Variants in PDE10A observed in about 807,000 individuals in gnomAD.
PDE10A encodes cAMP and cAMP-inhibited cGMP 3',5'-cyclic phosphodiesterase 10A.
A neutral mutation model predicts 97.7 loss-of-function variants in PDE10A; 39 were observed. That is an observed-to-expected ratio of 0.40 (90% confidence interval 0.31 to 0.52). The LOEUF (loss-of-function observed/expected upper bound fraction) is 0.52, where lower values mean the gene tolerates loss of function less well. PDE10A is among the 20% of genes least tolerant of loss of function. The pLI is 0.56. For synonymous variants in PDE10A, 371 were observed against 376.8 expected (o/e 0.98, Z 0.18); for missense variants, 731 against 1,047.8 (o/e 0.70, Z 4.17).
intron 13 of PDE10A, 51 bp from the exon 14 acceptor site, chr6:165,396,510 A>G: frequency 1.3e-6 from 2 of 1,546,270 alleles, no homozygotes; most frequent in Non-Finnish European, 1.8e-6. Context: ...GAATATTTAA[A>G]CTGTTTTGTC....
intron 13 of PDE10A, among the ~76,000 whole-genome samples, chr6:165,411,436 A>C (rs1273883682): frequency 6.6e-6 from 1 of 152,168 alleles, no homozygotes; most frequent in Non-Finnish European, 1.5e-5. Context: ...GTACACAGAG[A>C]CAGCAGAAAC....
At chr6:165,613,772 TAAC>T (rs1294416978) in intron 1 of PDE10A, among the ~76,000 whole-genome samples, 2 of 152,316 alleles carry the variant, frequency 1.3e-5, no homozygotes, top group African/African-American at 4.8e-5. Context: ...ATACTTTAAT[TAAC>T]AACTATACTC....
At chr6:165,858,504 T>C (rs1044535771) in intron 1 of PDE10A, among the ~76,000 whole-genome samples, 3 of 152,342 alleles carry the variant, frequency 2.0e-5, no homozygotes, top group Non-Finnish European at 4.4e-5. Context: ...GGTTTCACCT[T>C]GACGTGAACG....
Position 165,952,296 on chromosome 6 carries a change from A to C in PDE10A, c.-615+35233T>G, listed in dbSNP as rs187996813. Among the ~76,000 whole-genome samples, 6 of 152,354 alleles carry C rather than the reference A, an allele frequency of 3.9e-5. No individual in the cohort carries two copies. The East Asian group carries it at 1.2e-3, about 29-fold the overall frequency. On this transcript the variant is annotated intron_variant, in intron 1 of 19. Transcript: ENST00000366882. The stretch of plus-strand genomic sequence containing the variant: ...ACTCCCCAACTTTAATAGAGCCCAC[A>C]TGTCTCACGGAGCATAACTATACAG...
chr6:165,986,380 A>C (rs1785210237), intron 1 of PDE10A: 1 of 153,286 alleles, frequency 6.5e-6, no homozygotes, highest in African/African-American at 2.4e-5. Flanking sequence ...TTGCTGCTTC[A>C]GGAGGGGAAG....
At position 165,413,621 on chromosome 6, in the gene PDE10A, G is replaced by T; in HGVS notation, c.1956C>A (p.Gly652=). ...CCATCTGCACCACACCTATCACGCT[G>T]CCTCGGCTGACGATGGGCATGCACA... ...NILCMPIVSR[G]SVIGVVQMVN... The change falls in exon 13 of 22, where the codon GGC becomes GGA. Residue 652 remains glycine (G), a synonymous_variant. Transcript: ENST00000539869. 1 of 1,614,100 alleles carries T rather than the reference G, an allele frequency of 6.2e-7. No individual in the cohort carries two copies. Among genetic ancestry groups the T allele is most frequent in the Non-Finnish European group, 8.5e-7 (1 of 1,179,986 alleles).
chr6:165,462,635 G>C (rs986403273), intron 3 of PDE10A, among the ~76,000 whole-genome samples: 3 of 152,106 alleles, frequency 2.0e-5, no homozygotes, highest in Non-Finnish European at 4.4e-5. Context: ...ACTGTCACGA[G>C]CAACACCCGT....
intron 5 of PDE10A, among the ~76,000 whole-genome samples, chr6:165,442,614 C>T (rs552438295): frequency 1.3e-5 from 2 of 152,164 alleles, no homozygotes; most frequent in East Asian, 3.9e-4. Flanking sequence ...TGGGGAAATC[C>T]GCCCCCATGA....
At chr6:165,684,525 G>A (rs1791063202) in intron 1 of PDE10A, among the ~76,000 whole-genome samples, 1 of 152,212 alleles carries the variant, frequency 6.6e-6, no homozygotes, top group South Asian at 2.1e-4. Flanking sequence ...TATGTGAGTT[G>A]CATTGGCATT....
Position 165,696,274 on chromosome 6 carries a change from C to T in PDE10A, c.-614-152706G>A, listed in dbSNP as rs1464218151. Reference sequence around the variant, plus strand: ...GTTTTACTTTTCACAGTTTTGTTTACTTATGGTCAACCTCATTCTGAAAAT... The same window carrying T: ...GTTTTACTTTTCACAGTTTTGTTTATTTATGGTCAACCTCATTCTGAAAAT... On this transcript the variant is annotated intron_variant, in intron 1 of 19. Transcript: ENST00000366882. Among the ~76,000 whole-genome samples the T allele has an allele frequency of 2.0e-5, 3 of 152,166 alleles. No individual in the cohort carries two copies. In the East Asian group the frequency reaches 5.8e-4, roughly 29 times the overall value.
intron 1 of PDE10A, among the ~76,000 whole-genome samples, chr6:165,799,188 G>A (rs1778912642): frequency 6.6e-6 from 1 of 152,286 alleles, no homozygotes. Flanking sequence ...CACCCCTGAT[G>A]TGGAGCTCAA....
At position 165,454,797 on chromosome 6, in the gene PDE10A, G is replaced by T. The variant is rs1053672281; in HGVS notation, c.1024-4435C>A. ...AACAGTGTCCCTGGAACTGAACGGC[G>T]CAGACTATTGACATATTTTTTTTCA... On this transcript the variant is annotated intron_variant, in intron 3 of 21. Coordinates refer to ENST00000539869, the MANE Select transcript of PDE10A (RefSeq NM_001385079.1). Among the ~76,000 whole-genome samples, 6 of 152,138 alleles carry T rather than the reference G, an allele frequency of 3.9e-5. No individual in the cohort carries two copies. In the East Asian group the frequency reaches 1.2e-3, roughly 29 times the overall value.
At chr6:165,413,434 G>T (rs1009311518) in intron 13 of PDE10A, 67 bp downstream of exon 13, 4 of 1,153,442 alleles carry the variant, frequency 3.5e-6, no homozygotes, top group Non-Finnish European at 3.7e-6. Flanking sequence ...CCCTTAAGCT[G>T]CTTTATGAAA....
At chr6:165,592,528 G>A (rs945242909) in intron 1 of PDE10A, among the ~76,000 whole-genome samples, 1 of 152,122 alleles carries the variant, frequency 6.6e-6, no homozygotes, top group Non-Finnish European at 1.5e-5. Flanking sequence ...TACAGAATGG[G>A]AGAAAAGTTT....
intron 1 of PDE10A, among the ~76,000 whole-genome samples, chr6:165,577,520 G>T (rs1462904890): frequency 6.6e-6 from 1 of 152,126 alleles, no homozygotes; most frequent in Admixed American, 6.5e-5. Context: ...CACCCCCAAG[G>T]GCACAGGCGA....
intron 1 of PDE10A, among the ~76,000 whole-genome samples, chr6:165,905,302 A>G (rs572096121): frequency 2.6e-5 from 4 of 152,334 alleles, no homozygotes; most frequent in African/African-American, 9.6e-5. Flanking sequence ...TTATGTCTGC[A>G]AAGTCTACAT....
chr6:165,425,488 C>T (rs999298627), intron 10 of PDE10A, among the ~76,000 whole-genome samples: 6 of 152,020 alleles, frequency 3.9e-5, no homozygotes, highest in Admixed American at 1.3e-4. Flanking sequence ...CTGTAACATA[C>T]CTGCATGATA....
intron 1 of PDE10A, among the ~76,000 whole-genome samples, chr6:165,640,015 A>C (rs1264514036): frequency 6.6e-6 from 1 of 150,942 alleles, no homozygotes; most frequent in Non-Finnish European, 1.5e-5. Flanking sequence ...GGCTGCAGTG[A>C]GCTGTGATCG....
Position 165,431,480 on chromosome 6 carries a change from A to T in PDE10A, c.1492-8T>A. The T allele has an allele frequency of 6.4e-7, 1 of 1,568,780 alleles. No homozygotes were observed. The highest frequency in any genetic ancestry group is 8.7e-7 in the Non-Finnish European group (1 of 1,145,948). ...AAGATTTGCTGTTGCAACCTAAAAA[A>T]AACAAGAAATACATACCTATAAGTA... is the stretch of plus-strand genomic sequence containing the variant. On this transcript the variant is annotated splice_polypyrimidine_tract_variant and splice_region_variant and intron_variant, in intron 7 of 21. Transcript: ENST00000539869.
Sources: gnomAD v4.1 joint callset for allele counts (sites outside exome capture counted in the v4.1 genomes callset) on GRCh38, gnomAD v4.1.1 for gene constraint, MANE v1.5 for transcripts, NCBI Gene and HGNC (gene_info 2026-07-23, HGNC 2026-07-21) for gene names.